The following FAS variants were observed in gnomAD, a reference collection of about 807,000 sequenced individuals.
FAS encodes tumor necrosis factor receptor superfamily member 6.
A neutral mutation model predicts 33.2 loss-of-function variants in FAS; 5 were observed. The ratio of observed to expected loss-of-function variants is 0.15; its 90% CI spans 0.08 to 0.32. FAS has a LOEUF of 0.32. Ranked by LOEUF, FAS falls within the 10% of genes least tolerant of loss-of-function variation. The pLI, the probability that FAS is intolerant of heterozygous loss-of-function variation, is 1.00. For synonymous variants in FAS, 131 were observed against 130.7 expected (o/e 1.00, Z -0.01); for missense variants, 339 against 386.0 (o/e 0.88, Z 1.02).
intron 1 of FAS, chr10:88,992,581 A>G (rs1447953972): frequency 6.6e-6 from 1 of 152,198 alleles, no homozygotes; most frequent in Non-Finnish European, 1.5e-5. Context: ...ATTTATGTAT[A>G]TATACATATT....
At chr10:88,995,016 A>T (rs1033428264) in intron 1 of FAS, among the ~76,000 whole-genome samples, 1 of 152,042 alleles carries the variant, frequency 6.6e-6, no homozygotes, top group African/African-American at 2.4e-5. Flanking sequence ...ATAATTTTAT[A>T]TGTTGTACCT....
At chr10:89,008,469 A>C (rs1278776974) in intron 3 of FAS, among the ~76,000 whole-genome samples, 2 of 152,186 alleles carry the variant, frequency 1.3e-5, no homozygotes, top group African/African-American at 4.8e-5. Context: ...AAAATGTTTC[A>C]TGTTTAGGTC....
chr10:88,966,636 G>A (rs1016119670), intron 1 of FAS, among the ~76,000 whole-genome samples: 4 of 152,210 alleles, frequency 2.6e-5, no homozygotes, highest in South Asian at 2.1e-4. Context: ...ATTCTGTCCC[G>A]GGAACCATGA....
rs1344796280 is a variant in FAS at position 89,015,363 on chromosome 10, A to T, written c.*913A>T. ...TGCTCTCAGAGAAAGTAGCTTTGTG[A>T]CATGTCATGAACCCATGTTTGCAAT... is the stretch of plus-strand genomic sequence containing the variant. On this transcript the variant is annotated 3_prime_UTR_variant, in exon 9 of 9. Coordinates refer to ENST00000652046, the MANE Select transcript of FAS (RefSeq NM_000043.6). 1.9e-6 allele frequency: 1 copy of T among 532,810 alleles called. No homozygotes were observed. The highest frequency in any genetic ancestry group is 3.6e-6 in the Non-Finnish European group (1 of 275,300). The allele number at this position is 532,810 out of a possible 1,614,324, so 33.0% of individuals were successfully genotyped here.
chr10:89,003,332 A>T, intron 2 of FAS, 138 bp downstream of exon 2: 1 of 924,982 alleles, frequency 1.1e-6, no homozygotes, highest in Non-Finnish European at 1.6e-6. Context: ...ACAACTATGA[A>T]ATTATTTTCC....
chr10:89,008,893 A>T lies in FAS; in HGVS notation c.339A>T (p.Leu113Phe). ...RCRLCDEGHG[L>F]EVEINCTRTQ... Reference sequence around the variant, plus strand: ...GTTTCCAAACTGATTTTCTAGGCTTAGAAGTGGAAATAAACTGCACCCGGA... The same window carrying T: ...GTTTCCAAACTGATTTTCTAGGCTTTGAAGTGGAAATAAACTGCACCCGGA... The change falls in exon 4 of 9, where the codon TTA becomes TTT. Residue 113 changes from leucine (L) to phenylalanine (F), a missense_variant. Leu to Phe is a conservative substitution (Grantham distance 22, BLOSUM62 0). Coordinates refer to ENST00000652046, the MANE Select transcript of FAS (RefSeq NM_000043.6). The T allele has an allele frequency of 6.2e-7, 1 of 1,613,946 alleles. No homozygotes were observed.
intron 2 of FAS, among the ~76,000 whole-genome samples, chr10:89,007,030 G>C (rs1298067505): frequency 6.6e-6 from 1 of 152,172 alleles, no homozygotes; most frequent in Non-Finnish European, 1.5e-5. Context: ...TGATGAAAAA[G>C]TAATAGAAAG....
At chr10:88,990,537 C>G, upstream of FAS, 1 of 619,594 alleles carries the variant, frequency 1.6e-6, no homozygotes, top group Non-Finnish European at 3.0e-6. This position sits in a 1 kb window ranked among gnomAD's most constrained non-coding sequence, Gnocchi z 4.9. Context: ...CCTCCCTACC[C>G]GCGCGCAGGC....
chr10:88,991,096 G>T, intron 1 of FAS, 190 bp downstream of exon 1: 1 of 696,874 alleles, frequency 1.4e-6, no homozygotes, highest in South Asian at 1.7e-5. Context: ...CCTCAGGCCC[G>T]GGTGCTCAGA....
At chr10:88,966,335 A>C (rs551562357) in intron 1 of FAS, among the ~76,000 whole-genome samples, 139 of 152,240 alleles carry the variant, frequency 9.1e-4, no homozygotes, top group Non-Finnish European at 1.7e-3. Context: ...AGGGAAGGGG[A>C]TTGGACAGGA....
intron 1 of FAS, chr10:88,992,364 C>G (rs1847291444): frequency 6.6e-6 from 1 of 152,162 alleles, no homozygotes; most frequent in South Asian, 2.1e-4. Flanking sequence ...AACCATTGCA[C>G]CACTGCAATG....
At chr10:88,977,419 G>A (rs1376627119) in intron 2 of FAS, among the ~76,000 whole-genome samples, 2 of 151,582 alleles carry the variant, frequency 1.3e-5, no homozygotes, top group East Asian at 3.9e-4. Flanking sequence ...ATTAAATAGG[G>A]AATCCTTTCC....
intron 2 of FAS, among the ~76,000 whole-genome samples, chr10:88,980,059 C>T (rs549765544): frequency 6.6e-6 from 1 of 152,356 alleles, no homozygotes; most frequent in South Asian, 2.1e-4. Context: ...AAGTGGACTT[C>T]TTTCCACTTG....
chr10:88,986,632 C>A (rs753742624), upstream of FAS, among the ~76,000 whole-genome samples: 1 of 151,084 alleles, frequency 6.6e-6, no homozygotes, highest in Non-Finnish European at 1.5e-5. Flanking sequence ...GGAAGTAGTA[C>A]AGAAAGGAAG....
intron 1 of FAS, among the ~76,000 whole-genome samples, chr10:88,972,581 C>A (rs923019593): frequency 1.3e-5 from 2 of 151,138 alleles, no homozygotes; most frequent in African/African-American, 4.9e-5. Context: ...TGTAATTTAT[C>A]TATTAGCTTT....
At chr10:88,975,319 G>A (rs1011701254) in intron 2 of FAS, among the ~76,000 whole-genome samples, 11 of 152,338 alleles carry the variant, frequency 7.2e-5, no homozygotes, top group East Asian at 1.9e-4. Flanking sequence ...ACAGAGCAGC[G>A]TGTGCATTTG....
upstream of FAS, among the ~76,000 whole-genome samples, chr10:88,985,761 G>C (rs2133362265): frequency 6.6e-6 from 1 of 152,274 alleles, no homozygotes; most frequent in Admixed American, 6.5e-5. Context: ...CCAGGCCCAT[G>C]AGGAGGGCCT....
intron 2 of FAS, among the ~76,000 whole-genome samples, chr10:88,980,051 G>A (rs531199173): frequency 1.3e-5 from 2 of 152,208 alleles, no homozygotes; most frequent in African/African-American, 2.4e-5. Flanking sequence ...GAAAGATAAA[G>A]TGGACTTCTT....
At chr10:88,977,650 G>GCTCATC (rs1846600512) in intron 2 of FAS, among the ~76,000 whole-genome samples, 2 of 151,556 alleles carry the variant, frequency 1.3e-5, no homozygotes, top group Admixed American at 1.3e-4. Context: ...ATGAAAAAAT[G>GCTCATC]CTCATCATCA....
Sources: allele counts gnomAD v4.1 joint callset (sites outside exome capture counted in the v4.1 genomes callset), GRCh38; gene constraint gnomAD v4.1.1; non-coding constraint Gnocchi (gnomAD v3.1); transcripts MANE v1.5; gene names NCBI Gene and HGNC (gene_info 2026-07-23, HGNC 2026-07-21).